Variants in CMIP observed in about 807,000 individuals in gnomAD.
CMIP encodes C-Maf-inducing protein.
In CMIP, 13 loss-of-function variants were observed where a neutral mutation model predicts 97.3. That is an observed-to-expected ratio of 0.13 (90% confidence interval 0.09 to 0.21). CMIP has a LOEUF of 0.21. Ranked by LOEUF, CMIP falls within the 10% of genes least tolerant of loss-of-function variation. The pLI is 1.00. For synonymous variants in CMIP, 538 were observed against 436.3 expected (o/e 1.23, Z -2.91); for missense variants, 847 against 1,024.9 (o/e 0.83, Z 2.37).
chr16:81,629,134 TAAAAAAAA>T (rs10533097), intron 3 of CMIP, among the ~76,000 whole-genome samples: 14 of 45,694 alleles, frequency 3.1e-4, no homozygotes, highest in African/African-American at 4.4e-4. Flanking sequence ...AAACTGTGCT[TAAAAAAAA>T]AAAAAAAAAA....
chr16:81,466,273 C>T (rs528998087), intron 1 of CMIP, among the ~76,000 whole-genome samples: 1 of 152,322 alleles, frequency 6.6e-6, no homozygotes, highest in African/African-American at 2.4e-5. Flanking sequence ...CTTGTCCAGG[C>T]TGGTCTTGAA....
chr16:81,545,806 G>A (rs535970916), intron 1 of CMIP, among the ~76,000 whole-genome samples: 3 of 152,332 alleles, frequency 2.0e-5, no homozygotes, highest in Admixed American at 2.0e-4. Context: ...GTGGGCCCCA[G>A]GGTCTTTGCA....
chr16:81,647,900 C>T (rs1204918339), intron 3 of CMIP, among the ~76,000 whole-genome samples: 2 of 142,610 alleles, frequency 1.4e-5, no homozygotes, highest in African/African-American at 5.5e-5. Flanking sequence ...CCCACAACGC[C>T]GTAGCCCACC....
intron 1 of CMIP, among the ~76,000 whole-genome samples, chr16:81,488,001 T>C (rs1246849650): frequency 6.6e-6 from 1 of 152,242 alleles, no homozygotes; most frequent in Non-Finnish European, 1.5e-5. Context: ...CCTGGCAGCC[T>C]CGCATCTTAC....
chr16:81,482,036 A>G (rs1202003282), intron 1 of CMIP, among the ~76,000 whole-genome samples: 2 of 151,720 alleles, frequency 1.3e-5, no homozygotes, highest in African/African-American at 2.4e-5. Context: ...GCGCCACCAC[A>G]CCTAGCTAAT....
At chr16:81,605,862 C>T (rs2091735387) in intron 1 of CMIP, among the ~76,000 whole-genome samples, 1 of 152,210 alleles carries the variant, frequency 6.6e-6, no homozygotes. Context: ...ATGGCGCCTG[C>T]AGCATAACGG....
At chr16:81,690,339 G>T (rs1047367585) in intron 10 of CMIP, among the ~76,000 whole-genome samples, 1 of 152,122 alleles carries the variant, frequency 6.6e-6, no homozygotes, top group Non-Finnish European at 1.5e-5. Context: ...ATTGAGCAGT[G>T]GTTTGTAGTT....
intron 7 of CMIP, among the ~76,000 whole-genome samples, chr16:81,669,276 A>C (rs1597223329): frequency 2.8e-5 from 2 of 70,574 alleles, no homozygotes; most frequent in Admixed American, 1.5e-4. Flanking sequence ...TTCCACATCC[A>C]CCTCACACCT....
chr16:81,705,592 C>A lies in CMIP; in HGVS notation c.2185C>A (p.Leu729Met). The A allele has an allele frequency of 6.2e-7, 1 of 1,601,498 alleles. No homozygotes were observed. Among genetic ancestry groups the A allele is most frequent in the Non-Finnish European group, 8.5e-7 (1 of 1,175,408 alleles). The change falls in exon 19 of 21, where the codon CTG becomes ATG. Residue 729 changes from leucine to methionine, a missense_variant. Around this residue, in one of 4 missense-constraint regions of CMIP, gnomAD observed 266 missense variants for 384.2 expected, o/e 0.69. Coordinates refer to ENST00000537098, the MANE Select transcript of CMIP (RefSeq NM_198390.3). ...GACCCCGGTCACAGACGCTGGCCTG[C>A]TGGCCCTGAGCTGTGAGTGCCTCCG... Reference protein sequence around the residue: ...CETPVTDAGLLALSSMKSLCS... With the variant: ...CETPVTDAGLMALSSMKSLCS...
In CMIP at chr16:81,560,788, C is replaced by G. The variant is rs75056789; in HGVS notation, c.301-46779C>G. Reference sequence around the variant, plus strand: ...AATATTTACCACTGTGCTACAGCTACCTACAGTATTCAGGACAATAACATT... The same window carrying G: ...AATATTTACCACTGTGCTACAGCTAGCTACAGTATTCAGGACAATAACATT... On this transcript the variant is annotated intron_variant, in intron 1 of 20. Coordinates refer to ENST00000537098, the MANE Select transcript of CMIP (RefSeq NM_198390.3). 4.1e-3 allele frequency among the ~76,000 whole-genome samples: 620 copies of G among 152,284 alleles called. 8 individuals are homozygous for G. Among genetic ancestry groups the G allele is most frequent in the African/African-American group, 0.014 (573 of 41,542 alleles).
intron 3 of CMIP, 72 bp downstream of exon 3, chr16:81,620,998 C>G (rs1275766382): frequency 5.2e-5 from 82 of 1,581,704 alleles, no homozygotes; most frequent in Non-Finnish European, 3.6e-5. Flanking sequence ...CAATCTGTCA[C>G]CCAGAGGCAT....
intron 1 of CMIP, among the ~76,000 whole-genome samples, chr16:81,596,816 C>CCCCAATAACCAGTA (rs1294973973): frequency 6.6e-6 from 1 of 152,156 alleles, no homozygotes; most frequent in Non-Finnish European, 1.5e-5. Context: ...CAATTGGTCA[C>CCCCAATAACCAGTA]CCCAATAACC....
chr16:81,688,455 G>A (rs1905670216), intron 10 of CMIP, among the ~76,000 whole-genome samples: 1 of 152,192 alleles, frequency 6.6e-6, no homozygotes, highest in Admixed American at 6.5e-5. Flanking sequence ...CTCCTCATAT[G>A]CCACAGCTGT....
At chr16:81,667,036 T>G in intron 7 of CMIP, 2 of 149,562 alleles carry the variant, frequency 1.3e-5, no homozygotes, top group African/African-American at 4.9e-5. Context: ...CCTGTTGGGG[T>G]GGCATGAACA....
At chr16:81,566,082 C>A (rs924748440) in intron 1 of CMIP, among the ~76,000 whole-genome samples, 1 of 152,180 alleles carries the variant, frequency 6.6e-6, no homozygotes, top group Non-Finnish European at 1.5e-5. Context: ...CGTTGACTGT[C>A]GTGTGTTTGG....
chr16:81,531,184 A>G (rs912664113), intron 1 of CMIP, among the ~76,000 whole-genome samples: 1 of 152,130 alleles, frequency 6.6e-6, no homozygotes, highest in Non-Finnish European at 1.5e-5. Flanking sequence ...TCCGTAAAAG[A>G]TGAGGGAAAC....
At chr16:81,633,204 A>G (rs567942213) in intron 3 of CMIP, among the ~76,000 whole-genome samples, 2 of 152,358 alleles carry the variant, frequency 1.3e-5, no homozygotes. Flanking sequence ...GATGAGCAAG[A>G]TCTTTTGTTC....
At chr16:81,492,657 G>C (rs529747283) in intron 1 of CMIP, among the ~76,000 whole-genome samples, 2 of 152,258 alleles carry the variant, frequency 1.3e-5, no homozygotes, top group Middle Eastern at 3.4e-3. Context: ...GGGAGGAGGA[G>C]GCAAAACAGG....
At chr16:81,557,824 G>A (rs1204384274) in intron 1 of CMIP, among the ~76,000 whole-genome samples, 1 of 152,176 alleles carries the variant, frequency 6.6e-6, no homozygotes, top group Non-Finnish European at 1.5e-5. Flanking sequence ...AATCGGAGGT[G>A]TTTTTAACAT....
Sources: allele counts gnomAD v4.1 joint callset (sites outside exome capture counted in the v4.1 genomes callset), GRCh38; gene constraint gnomAD v4.1.1; regional missense constraint gnomAD v4.1.1; transcripts MANE v1.5; gene names NCBI Gene and HGNC (gene_info 2026-07-23, HGNC 2026-07-21).